Variants in LAMA3 observed in about 807,000 individuals in gnomAD.
LAMA3 encodes the protein laminin subunit alpha-3.
LAMA3 carries 281 observed loss-of-function variants against 402.0 expected under a neutral mutation model. The ratio of observed to expected loss-of-function variants is 0.70; its 90% CI spans 0.63 to 0.77. The LOEUF (loss-of-function observed/expected upper bound fraction) is 0.77. Ranked by LOEUF, LAMA3 falls within the 30% of genes least tolerant of loss-of-function variation. The pLI is 0.00. For missense variants in LAMA3, 3,840 were observed against 4,215.5 expected (o/e 0.91, Z 2.47); for synonymous variants, 1,431 against 1,558.4 (o/e 0.92, Z 1.93).
chr18:23,846,004 A>G (rs1248665347), intron 30 of LAMA3, among the ~76,000 whole-genome samples: 2 of 152,202 alleles, frequency 1.3e-5, no homozygotes, highest in African/African-American at 4.8e-5. Flanking sequence ...TTGAGCTATA[A>G]TTCACATAAC....
intron 2 of LAMA3, among the ~76,000 whole-genome samples, chr18:23,723,523 G>A (rs1165583842): frequency 1.3e-5 from 2 of 151,930 alleles, no homozygotes; most frequent in Non-Finnish European, 2.9e-5. Flanking sequence ...GCCTATATAA[G>A]CAAAGAACAA....
At chr18:23,706,338 G>A (rs2060888539) in intron 1 of LAMA3, among the ~76,000 whole-genome samples, 1 of 152,118 alleles carries the variant, frequency 6.6e-6, no homozygotes. Context: ...TGGTTTATGA[G>A]TTTGAGAGTA....
At chr18:23,816,251 G>T in intron 17 of LAMA3, 137 bp from the exon 18 acceptor site, 1 of 725,656 alleles carries the variant, frequency 1.4e-6, no homozygotes. Flanking sequence ...TCAAACACTT[G>T]CCAGACAGAT....
chr18:23,936,271 G>A (rs1333601459), intron 67 of LAMA3, among the ~76,000 whole-genome samples: 1 of 150,418 alleles, frequency 6.6e-6, no homozygotes, highest in African/African-American at 2.5e-5. Flanking sequence ...TAAGTTCTAG[G>A]GTACATGTGC....
rs929339707 is a variant in LAMA3 at position 23,846,508 on chromosome 18, C to G, written c.3931C>G (p.Pro1311Ala). The change falls in exon 31 of 75, where the codon CCG (proline) becomes GCG (alanine). Residue 1311 changes from proline to alanine, a missense_variant and splice_region_variant. Around this residue, in one of 3 missense-constraint regions of LAMA3, gnomAD observed 2,109 missense variants for 2,376.0 expected, o/e 0.89. Coordinates refer to ENST00000313654, the MANE Select transcript of LAMA3 (RefSeq NM_198129.4). Reference sequence around the variant, plus strand: ...CCACTACGGATTCCCACGCTGCAAGCGTAAGTGCACGTTTCCCATCACCCA... The same window carrying G: ...CCACTACGGATTCCCACGCTGCAAGGGTAAGTGCACGTTTCCCATCACCCA... ...TGHYGFPRCK[P>A]CSCGRRLCEE... is the part of the protein sequence containing the mutation. 3 of 1,604,020 alleles carry G rather than the reference C, an allele frequency of 1.9e-6. No homozygotes were observed. In the South Asian group the frequency reaches 3.3e-5, roughly 18 times the overall value.
intron 7 of LAMA3, 76 bp downstream of exon 7, chr18:23,758,587 A>C (rs546918758): frequency 9.1e-7 from 1 of 1,096,560 alleles, no homozygotes; most frequent in Non-Finnish European, 1.4e-6. Flanking sequence ...TATTTTCCCC[A>C]TGCTAGAGAA....
intron 2 of LAMA3, among the ~76,000 whole-genome samples, chr18:23,728,558 C>A (rs940316084): frequency 1.3e-4 from 20 of 152,144 alleles, no homozygotes; most frequent in African/African-American, 4.8e-4. Context: ...CAGAAGGCTT[C>A]CCTCCTGCTG....
At chr18:23,891,831 G>C (rs998399854) in intron 42 of LAMA3, among the ~76,000 whole-genome samples, 1 of 152,144 alleles carries the variant, frequency 6.6e-6, no homozygotes, top group Non-Finnish European at 1.5e-5. Context: ...GTCTAAAGCC[G>C]GGGTCCATGG....
At chr18:23,913,191 T>C (rs769489673) in intron 56 of LAMA3, among the ~76,000 whole-genome samples, 8 of 152,190 alleles carry the variant, frequency 5.3e-5, no homozygotes, top group Non-Finnish European at 1.0e-4. Flanking sequence ...CACCCCTCCA[T>C]ACTACCAAGT....
At chr18:23,799,093 C>T (rs1385018551) in intron 12 of LAMA3, among the ~76,000 whole-genome samples, 3 of 152,208 alleles carry the variant, frequency 2.0e-5, no homozygotes, top group East Asian at 1.9e-4. Context: ...TACTGTGGAA[C>T]AGGACTACAT....
chr18:23,708,031 T>C (rs1196943045), intron 1 of LAMA3, among the ~76,000 whole-genome samples: 6 of 152,234 alleles, frequency 3.9e-5, no homozygotes, highest in Non-Finnish European at 8.8e-5. Context: ...TTTTCTACTA[T>C]GAGAGTTTGA....
At chr18:23,908,423 G>A (rs1476894820) in intron 54 of LAMA3, among the ~76,000 whole-genome samples, 5 of 151,474 alleles carry the variant, frequency 3.3e-5, no homozygotes, top group Admixed American at 1.3e-4. Flanking sequence ...CCAGCTACTC[G>A]GGAGGCTGAG....
intron 8 of LAMA3, among the ~76,000 whole-genome samples, chr18:23,767,747 A>G (rs1010767652): frequency 6.6e-6 from 1 of 151,680 alleles, no homozygotes. Flanking sequence ...CTAATTTTTC[A>G]TTATTAGTAG....
chr18:23,793,045 G>T (rs1009237247), intron 12 of LAMA3, among the ~76,000 whole-genome samples: 1 of 152,176 alleles, frequency 6.6e-6, no homozygotes, highest in Non-Finnish European at 1.5e-5. Context: ...GGTCGGTTTG[G>T]AGGCAGAGGG....
intron 10 of LAMA3, among the ~76,000 whole-genome samples, chr18:23,776,875 T>C (rs1232116423): frequency 1.3e-5 from 2 of 149,718 alleles, no homozygotes; most frequent in African/African-American, 5.0e-5. Context: ...AATTTCGCTC[T>C]TGTTGCCCAG....
chr18:23,703,832 A>G (rs1000912555), intron 1 of LAMA3, among the ~76,000 whole-genome samples: 1 of 152,198 alleles, frequency 6.6e-6, no homozygotes, highest in African/African-American at 2.4e-5. Context: ...CACTCACCCC[A>G]GTATATTTAG....
intron 2 of LAMA3, among the ~76,000 whole-genome samples, chr18:23,727,158 C>T (rs1055987194): frequency 2.0e-5 from 3 of 152,042 alleles, no homozygotes; most frequent in African/African-American, 7.3e-5. Flanking sequence ...AATTCTTTGC[C>T]TAGGCCAAAG....
intron 13 of LAMA3, among the ~76,000 whole-genome samples, chr18:23,811,044 G>A (rs920863788): frequency 1.1e-4 from 17 of 152,278 alleles, no homozygotes; most frequent in South Asian, 4.1e-4. Context: ...TGGGGAAGGC[G>A]GGTGGGATGC....
chr18:23,921,691 C>A, intron 62 of LAMA3, 106 bp downstream of exon 62: 1 of 1,136,960 alleles, frequency 8.8e-7, no homozygotes, highest in Admixed American at 1.8e-5. Context: ...CAAACAAACA[C>A]AAAAAGTTAA....
Sources: gnomAD v4.1 joint callset for allele counts (sites outside exome capture counted in the v4.1 genomes callset) on GRCh38, gnomAD v4.1.1 for gene constraint, gnomAD v4.1.1 regional missense constraint, MANE v1.5 for transcripts, NCBI Gene and HGNC (gene_info 2026-07-23, HGNC 2026-07-21) for gene names.